Variants in CRACR2A observed in about 807,000 individuals in gnomAD.
CRACR2A encodes the protein EF-hand calcium-binding domain-containing protein 4B.
In CRACR2A, 79 loss-of-function variants were observed where a neutral mutation model predicts 90.5. The ratio of observed to expected loss-of-function variants is 0.87; its 90% confidence interval spans 0.73 to 1.05. The LOEUF is 1.05. Among genes scored for constraint, CRACR2A ranks in the 50% least tolerant of loss-of-function variants. The pLI is 0.00. For missense variants in CRACR2A, 823 were observed against 897.2 expected, an observed-to-expected ratio of 0.92 and a Z score of 1.06; for synonymous variants, 338 against 356.7, an observed-to-expected ratio of 0.95 and a Z score of 0.59.
At chr12:3,623,442 A>G (rs1288601225) in intron 17 of CRACR2A, among the ~76,000 whole-genome samples, 1 of 152,144 alleles carries the variant, frequency 6.6e-6, no homozygotes. Flanking sequence ...GGGGGCCAGC[A>G]ATCCGGCTCT....
intron 10 of CRACR2A, among the ~76,000 whole-genome samples, chr12:3,649,307 C>A (rs1268734854): frequency 6.6e-6 from 1 of 152,048 alleles, no homozygotes; most frequent in Admixed American, 6.6e-5. Flanking sequence ...CTATCCTATC[C>A]AGACTTCAGG....
chr12:3,751,502 G>A (rs1310037877), intron 1 of CRACR2A, among the ~76,000 whole-genome samples: 3 of 152,106 alleles, frequency 2.0e-5, no homozygotes, highest in African/African-American at 4.8e-5. Flanking sequence ...TTCTAGACTC[G>A]TAACACTCCA....
rs1258426161 is a variant in CRACR2A, at chr12:3,628,011, C to CTCCCTCCCTCTCTCCT, written c.1736-321_1736-306dup. 1.7e-4 allele frequency among the ~76,000 whole-genome samples: 25 copies of CTCCCTCCCTCTCTCCT among 146,480 alleles called. 1 individual carries two copies. The East Asian group carries it at 3.9e-3, about 23-fold the overall frequency. ...ATACACTCTTTCTTTCCCTCCCTCC[C>CTCCCTCCCTCTCTCCT]TCCCTCCCTCTCTCCTTCCCTCCCT... On this transcript the variant is annotated intron_variant, in intron 15 of 19. Coordinates refer to ENST00000440314, the MANE Select transcript of CRACR2A (RefSeq NM_001144958.2).
chr12:3,662,432 C>T lies in CRACR2A; in HGVS notation c.672-2778G>A, dbSNP rs1023918785. Among the ~76,000 whole-genome samples, 8 of 152,290 alleles carry T rather than the reference C, an allele frequency of 5.3e-5. No homozygotes were observed. The East Asian group carries it at 9.6e-4, about 18-fold the overall frequency. ...GCTCTGACCTCCTCACATCCTGAGG[C>T]GGTACCTGCCCTATGTTCCTCCCTA... On this transcript the variant is annotated intron_variant, in intron 7 of 19. Transcript: ENST00000440314.
At chr12:3,726,565 C>G (rs1244235857) in intron 2 of CRACR2A, 1 of 152,072 alleles carries the variant, frequency 6.6e-6, no homozygotes, top group African/African-American at 2.4e-5. Flanking sequence ...CCCCCCTTTC[C>G]TGGCCGTATA....
chr12:3,616,810 G>C, intron 19 of CRACR2A, 144 bp downstream of exon 19: 1 of 626,474 alleles, frequency 1.6e-6, no homozygotes, highest in Non-Finnish European at 2.9e-6. Flanking sequence ...CCAGGACCCC[G>C]TTGCCTATAC....
At chr12:3,682,732 C>T (rs1367872861) in intron 4 of CRACR2A, among the ~76,000 whole-genome samples, 1 of 152,068 alleles carries the variant, frequency 6.6e-6, no homozygotes, top group East Asian at 1.9e-4. Context: ...CCACAGAAAA[C>T]CAGCTTATTC....
At chr12:3,626,999 G>A (rs546687986) in intron 17 of CRACR2A, among the ~76,000 whole-genome samples, 2 of 152,250 alleles carry the variant, frequency 1.3e-5, no homozygotes, top group South Asian at 4.1e-4. Context: ...GGCATAGCTG[G>A]GCCTACTGGA....
chr12:3,715,013 A>G (rs1946061893), intron 2 of CRACR2A, among the ~76,000 whole-genome samples: 1 of 152,222 alleles, frequency 6.6e-6, no homozygotes, highest in Non-Finnish European at 1.5e-5. Flanking sequence ...GGATTCAGAA[A>G]GCCACTGAGC....
chr12:3,618,202 TA>T (rs1399736081), intron 18 of CRACR2A, among the ~76,000 whole-genome samples: 1 of 151,224 alleles, frequency 6.6e-6, no homozygotes, highest in Non-Finnish European at 1.5e-5. Flanking sequence ...AGAGAATGGA[TA>T]GAATCTTTGG....
chr12:3,647,206 C>A (rs1433762927), intron 11 of CRACR2A, among the ~76,000 whole-genome samples: 1 of 150,180 alleles, frequency 6.7e-6, no homozygotes, highest in Non-Finnish European at 1.5e-5. Flanking sequence ...CCACCCCCAC[C>A]TCAGCATTAT....
At chr12:3,639,437 G>C (rs1275259941) in intron 13 of CRACR2A, among the ~76,000 whole-genome samples, 2 of 46,774 alleles carry the variant, frequency 4.3e-5, no homozygotes, top group Non-Finnish European at 8.7e-5. Context: ...TGACAGGGAG[G>C]ACCTTAAGTC....
At chr12:3,749,795 T>TTGTGTG (rs200387314) in intron 1 of CRACR2A, among the ~76,000 whole-genome samples, 3,866 of 144,556 alleles carry the variant, frequency 0.027, 73 homozygotes, top group African/African-American at 0.056. Flanking sequence ...TGCTGTTTCT[T>TTGTGTG]TGTGTGTGTG....
intron 10 of CRACR2A, among the ~76,000 whole-genome samples, chr12:3,653,655 A>G (rs1251491247): frequency 6.6e-6 from 1 of 152,180 alleles, no homozygotes; most frequent in Non-Finnish European, 1.5e-5. Flanking sequence ...TACTGGGACC[A>G]CACAGTTGAA....
intron 1 of CRACR2A, among the ~76,000 whole-genome samples, chr12:3,738,040 A>G (rs1380584978): frequency 6.6e-6 from 1 of 152,192 alleles, no homozygotes; most frequent in Non-Finnish European, 1.5e-5. Context: ...TCATCACAAC[A>G]CCCTATGCAC....
At chr12:3,723,481 A>G (rs1946213820) in intron 2 of CRACR2A, among the ~76,000 whole-genome samples, 2 of 152,066 alleles carry the variant, frequency 1.3e-5, no homozygotes, top group African/African-American at 4.8e-5. Flanking sequence ...TTTGCATTCA[A>G]AATACCCTAC....
chr12:3,742,728 C>A (rs1251054330), intron 1 of CRACR2A, among the ~76,000 whole-genome samples: 1 of 152,240 alleles, frequency 6.6e-6, no homozygotes, highest in African/African-American at 2.4e-5. Flanking sequence ...ACTCATGGAA[C>A]AGTCCTCCCA....
At chr12:3,686,611 C>T (rs911957530) in intron 4 of CRACR2A, among the ~76,000 whole-genome samples, 2 of 152,182 alleles carry the variant, frequency 1.3e-5, no homozygotes, top group African/African-American at 4.8e-5. Flanking sequence ...GGAGTCTCTT[C>T]ATGCTCTCTG....
intron 7 of CRACR2A, among the ~76,000 whole-genome samples, chr12:3,667,900 CG>C (rs990829963): frequency 1.3e-5 from 2 of 152,186 alleles, no homozygotes; most frequent in African/African-American, 4.8e-5. Context: ...GAAAGGAAAA[CG>C]TAAGAGTTTG....
Sources: gnomAD v4.1 joint callset for allele counts (sites outside exome capture counted in the v4.1 genomes callset) on GRCh38, gnomAD v4.1.1 for gene constraint, MANE v1.5 for transcripts, NCBI Gene and HGNC (gene_info 2026-07-23, HGNC 2026-07-21) for gene names.